PLXDC2: variants seen among roughly 807,000 people sequenced by gnomAD.
The protein encoded by PLXDC2 is plexin domain containing 2.
In PLXDC2, 40 loss-of-function variants were observed where a neutral mutation model predicts 68.9. The ratio of observed to expected loss-of-function variants is 0.58; its 90% CI spans 0.45 to 0.76. The LOEUF is 0.76. Ranked by LOEUF, PLXDC2 falls within the 30% of genes least tolerant of loss-of-function variation. PLXDC2 has a pLI of 0.00. For missense variants in PLXDC2, 644 were observed against 661.9 expected (o/e 0.97, Z 0.30); for synonymous variants, 243 against 234.2 (o/e 1.04, Z -0.34).
chr10:19,841,442 T>C (rs1238312808), intron 1 of PLXDC2, among the ~76,000 whole-genome samples: 1 of 152,080 alleles, frequency 6.6e-6, no homozygotes, highest in African/African-American at 2.4e-5. Flanking sequence ...TCATTATAGA[T>C]ATTTTAGAAG....
intron 12 of PLXDC2, among the ~76,000 whole-genome samples, chr10:20,244,383 A>G (rs766947653): frequency 6.6e-6 from 1 of 152,202 alleles, no homozygotes; most frequent in Non-Finnish European, 1.5e-5. Flanking sequence ...AATTCAGAAA[A>G]TGTGTATTAC....
chr10:20,279,418 A>G (rs969036961), intron 13 of PLXDC2, among the ~76,000 whole-genome samples: 3 of 152,136 alleles, frequency 2.0e-5, no homozygotes, highest in Non-Finnish European at 2.9e-5. Flanking sequence ...AGACATATGC[A>G]TAAGGCATTA....
At chr10:20,091,889 A>G (rs550502400) in intron 4 of PLXDC2, 2 of 152,312 alleles carry the variant, frequency 1.3e-5, no homozygotes, top group African/African-American at 2.4e-5. Context: ...CTGTGCTGCA[A>G]TTCCCTTCAT....
chr10:20,211,446 C>T (rs1370575148), intron 9 of PLXDC2, among the ~76,000 whole-genome samples: 1 of 152,098 alleles, frequency 6.6e-6, no homozygotes, highest in African/African-American at 2.4e-5. Flanking sequence ...ATTTGGTTGC[C>T]ATGTGCGATC....
intron 13 of PLXDC2, 36 bp from the exon 14 acceptor site, chr10:20,279,667 G>A: frequency 1.3e-6 from 2 of 1,549,420 alleles, no homozygotes; most frequent in Non-Finnish European, 1.8e-6. Flanking sequence ...ATCTTACCCT[G>A]ACGCACATTT....
At chr10:20,234,663 C>CTTTTTTTTTTTTTTTTTTTTTTTTT (rs58791520) in intron 12 of PLXDC2, among the ~76,000 whole-genome samples, 1 of 125,422 alleles carries the variant, frequency 8.0e-6, no homozygotes, top group Non-Finnish European at 1.7e-5. Flanking sequence ...GGGTTTCTTT[C>CTTTTTTTTTTTTTTTTTTTTTTTTT]TTTTTTTTTT....
At chr10:20,019,970 G>A (rs1835276921) in intron 2 of PLXDC2, among the ~76,000 whole-genome samples, 1 of 151,812 alleles carries the variant, frequency 6.6e-6, no homozygotes, top group Non-Finnish European at 1.5e-5. Flanking sequence ...TATGAGTGTA[G>A]GGTACTTTTT....
chr10:19,966,448 C>CACATATATAAAAAATATAT (rs1834264355), intron 1 of PLXDC2, among the ~76,000 whole-genome samples: 2 of 10,578 alleles, frequency 1.9e-4, no homozygotes, highest in African/African-American at 7.9e-4. Context: ...ATATATAAAA[C>CACATATATAAAAAATATAT]ATGTGTGTAT....
Position 19,817,058 on chromosome 10 carries a change from G to A in PLXDC2, c.-22G>A. On this transcript the variant is annotated 5_prime_UTR_variant, in exon 1 of 14. Transcript: ENST00000377252. ...CACCGGCGAAGGACTGGCGGGTGGG[G>A]TAGGGAGGTGGCGGCGGCGGCATGG... 1 of 1,493,548 alleles carries A rather than the reference G, an allele frequency of 6.7e-7. No individual in the cohort carries two copies. The highest frequency in any genetic ancestry group is 9.0e-7 in the Non-Finnish European group (1 of 1,115,510). The allele number at this position is 1,493,548 out of a possible 1,614,324, so 92.5% of individuals were successfully genotyped here.
intron 1 of PLXDC2, among the ~76,000 whole-genome samples, chr10:19,870,696 G>T (rs919484683): frequency 6.6e-6 from 1 of 152,148 alleles, no homozygotes; most frequent in African/African-American, 2.4e-5. Flanking sequence ...AAAGTGCTGG[G>T]ATTACAGGTG....
intron 6 of PLXDC2, among the ~76,000 whole-genome samples, chr10:20,152,089 C>G (rs1834159837): frequency 6.6e-6 from 1 of 152,070 alleles, no homozygotes; most frequent in South Asian, 2.1e-4. Flanking sequence ...GCCAACCATG[C>G]TAAGCATGTA....
At chr10:20,182,149 T>G (rs1354400583) in intron 9 of PLXDC2, among the ~76,000 whole-genome samples, 1 of 151,396 alleles carries the variant, frequency 6.6e-6, no homozygotes, top group Admixed American at 6.6e-5. Flanking sequence ...ATACACACAT[T>G]TTAAATGTAT....
At chr10:19,893,155 G>T (rs1837996834) in intron 1 of PLXDC2, among the ~76,000 whole-genome samples, 1 of 152,090 alleles carries the variant, frequency 6.6e-6, no homozygotes. Context: ...TAGGTGTGGG[G>T]ATTGCTTTCA....
chr10:19,979,438 G>T (rs1439167573), intron 1 of PLXDC2, among the ~76,000 whole-genome samples: 1 of 151,068 alleles, frequency 6.6e-6, no homozygotes, highest in African/African-American at 2.4e-5. Context: ...GAGTGCAGTG[G>T]TGCAATTTCT....
At chr10:20,024,436 T>C (rs184734454) in intron 2 of PLXDC2, among the ~76,000 whole-genome samples, 44 of 152,312 alleles carry the variant, frequency 2.9e-4, no homozygotes, top group African/African-American at 1.0e-3. Flanking sequence ...CAAGGAATAT[T>C]TATTAACAAT....
At chr10:20,012,547 C>CTGA (rs1469590702) in intron 2 of PLXDC2, among the ~76,000 whole-genome samples, 1 of 151,250 alleles carries the variant, frequency 6.6e-6, no homozygotes, top group African/African-American at 2.4e-5. Context: ...GCTGGTCTCA[C>CTGA]ACTCCTGACC....
chr10:19,887,216 T>C (rs968399348), intron 1 of PLXDC2, among the ~76,000 whole-genome samples: 9 of 152,150 alleles, frequency 5.9e-5, no homozygotes, highest in Non-Finnish European at 1.3e-4. Context: ...GTAGAGAAGC[T>C]AGTGACTGAA....
intron 1 of PLXDC2, among the ~76,000 whole-genome samples, chr10:19,954,436 G>T (rs188631124): frequency 1.3e-5 from 2 of 152,276 alleles, no homozygotes; most frequent in East Asian, 3.9e-4. Flanking sequence ...TATTGCAGAT[G>T]ATCTGCATTT....
At chr10:20,276,059 T>A (rs969219368) in intron 13 of PLXDC2, among the ~76,000 whole-genome samples, 2 of 152,306 alleles carry the variant, frequency 1.3e-5, no homozygotes, top group Non-Finnish European at 2.9e-5. Flanking sequence ...GATCCCAGCC[T>A]CTTTCTATTC....
Sources: allele counts gnomAD v4.1 joint callset (sites outside exome capture counted in the v4.1 genomes callset), GRCh38; gene constraint gnomAD v4.1.1; transcripts MANE v1.5; gene names NCBI Gene and HGNC (gene_info 2026-07-23, HGNC 2026-07-21).